Variants in CBFA2T2 observed in about 807,000 individuals in gnomAD.
CBFA2T2 encodes CBFA2/RUNX1 partner transcriptional co-repressor 2.
CBFA2T2 carries 11 observed loss-of-function variants against 62.2 expected under a neutral mutation model. The ratio of observed to expected loss-of-function variants is 0.18; its 90% CI spans 0.11 to 0.29. The LOEUF is 0.29. CBFA2T2 is among the 10% of genes least tolerant of loss of function. The probability of loss-of-function intolerance (pLI) is 1.00; values close to 1 mark genes in which losing one functional copy is unlikely to be tolerated. For synonymous variants in CBFA2T2, 295 were observed against 287.5 expected (o/e 1.03, Z -0.27); for missense variants, 592 against 774.1 (o/e 0.76, Z 2.79).
chr20:33,490,350 GC>G, intron 1 of CBFA2T2, 49 bp downstream of exon 1: 1 of 1,261,860 alleles, frequency 7.9e-7, no homozygotes, highest in Non-Finnish European at 1.0e-6. Context: ...GTGAGGGCCT[GC>G]GGCTCCGCAG....
intron 7 of CBFA2T2, among the ~76,000 whole-genome samples, chr20:33,628,685 T>G (rs1473525014): frequency 6.6e-6 from 1 of 152,156 alleles, no homozygotes; most frequent in Non-Finnish European, 1.5e-5. Context: ...GCCAGGCTGG[T>G]CTCAAACCCC....
chr20:33,579,100 TG>T (rs1568830349), intron 1 of CBFA2T2, among the ~76,000 whole-genome samples: 8 of 149,340 alleles, frequency 5.4e-5, no homozygotes, highest in Admixed American at 4.2e-4. Flanking sequence ...TTGGTTTTTT[TG>T]GGGGTTTTTT....
At chr20:33,599,548 A>G (rs2015032640) in intron 1 of CBFA2T2, among the ~76,000 whole-genome samples, 1 of 150,220 alleles carries the variant, frequency 6.7e-6, no homozygotes, top group Non-Finnish European at 1.5e-5. Context: ...TCCATCTTCT[A>G]TCTTCAAAGG....
chr20:33,575,870 C>T (rs557309808), intron 1 of CBFA2T2, among the ~76,000 whole-genome samples: 6 of 152,192 alleles, frequency 3.9e-5, no homozygotes, highest in South Asian at 4.2e-4. Flanking sequence ...CTCCACCTCC[C>T]GGGTTCACAC....
chr20:33,561,599 A>G (rs2013093601), intron 1 of CBFA2T2, among the ~76,000 whole-genome samples: 1 of 152,160 alleles, frequency 6.6e-6, no homozygotes, highest in Non-Finnish European at 1.5e-5. Context: ...TAAAGGATTA[A>G]ACTCTGACCT....
intron 1 of CBFA2T2, among the ~76,000 whole-genome samples, chr20:33,602,923 T>G (rs1266939391): frequency 6.6e-6 from 1 of 152,172 alleles, no homozygotes; most frequent in Non-Finnish European, 1.5e-5. Flanking sequence ...CATCTGATGG[T>G]AACCGAGATG....
chr20:33,637,992 T>TG (rs1400754531), intron 9 of CBFA2T2, among the ~76,000 whole-genome samples: 23 of 120,204 alleles, frequency 1.9e-4, no homozygotes, highest in African/African-American at 7.2e-4. Context: ...TTTTTTTTTT[T>TG]GAGATGGATT....
rs2012106373 is a variant in CBFA2T2, at chr20:33,533,134, TTTAA to T, written c.34+42836_34+42839del. 2.0e-5 allele frequency among the ~76,000 whole-genome samples: 3 copies of T among 152,108 alleles called. No homozygotes were observed. The South Asian group carries it at 6.2e-4, about 32-fold the overall frequency. ...TTCTTTCACTAAAAAAAAAATGAGG[TTTAA>T]TTGACTTACAATAAACTACACATAT... On this transcript the variant is annotated intron_variant, in intron 1 of 10. Transcript: ENST00000342704.
chr20:33,623,947 A>C, intron 5 of CBFA2T2: 1 of 571,792 alleles, frequency 1.7e-6, no homozygotes, highest in Non-Finnish European at 3.2e-6. Context: ...GTTTGTAGAA[A>C]GAATTGGAAA....
At chr20:33,592,440 A>G (rs965269106) in intron 1 of CBFA2T2, among the ~76,000 whole-genome samples, 3 of 147,886 alleles carry the variant, frequency 2.0e-5, no homozygotes, top group African/African-American at 7.4e-5. Context: ...ATATATAATT[A>G]TGTAAATATA....
rs181290456 is a variant in CBFA2T2, at chr20:33,582,716, C to T, written c.35-24240C>T. Among the ~76,000 whole-genome samples, 295 of 151,730 alleles carry T rather than the reference C, an allele frequency of 1.9e-3. 1 individual carries two copies. The highest frequency in any genetic ancestry group is 6.4e-3 in the African/African-American group (264 of 41,372). ...CAGCATTTTGGGAAGCCAAGGCAGGCGGATCACTTGAGGTCAGGAATTCGA... is the reference window on the plus strand; with the variant it reads ...CAGCATTTTGGGAAGCCAAGGCAGGTGGATCACTTGAGGTCAGGAATTCGA... On this transcript the variant is annotated intron_variant, in intron 1 of 10. Coordinates refer to ENST00000342704, the MANE Select transcript of CBFA2T2 (RefSeq NM_001032999.3).
intron 1 of CBFA2T2, among the ~76,000 whole-genome samples, chr20:33,587,106 G>A (rs1183794214): frequency 2.7e-5 from 4 of 149,972 alleles, no homozygotes; most frequent in Non-Finnish European, 3.0e-5. Context: ...CATGCCTGGC[G>A]AATTCGATGG....
At chr20:33,499,042 T>C (rs1365315033) in intron 1 of CBFA2T2, among the ~76,000 whole-genome samples, 1 of 117,964 alleles carries the variant, frequency 8.5e-6, no homozygotes, top group Non-Finnish European at 1.8e-5. Context: ...AAACTCCGTC[T>C]AAAAAGAAAA....
chr20:33,547,796 C>T (rs773914632), intron 1 of CBFA2T2, among the ~76,000 whole-genome samples: 46 of 151,916 alleles, frequency 3.0e-4, no homozygotes, highest in Non-Finnish European at 5.7e-4. Context: ...TATAGGCACT[C>T]CCAGTATTTT....
At chr20:33,531,518 A>G (rs1451255721) in intron 1 of CBFA2T2, among the ~76,000 whole-genome samples, 1 of 152,206 alleles carries the variant, frequency 6.6e-6, no homozygotes, top group Non-Finnish European at 1.5e-5. Context: ...AACTACTTTC[A>G]TTCTGGAATC....
intron 1 of CBFA2T2, among the ~76,000 whole-genome samples, chr20:33,501,759 C>T (rs954762455): frequency 6.8e-6 from 1 of 146,580 alleles, no homozygotes; most frequent in South Asian, 2.2e-4. Context: ...CCTGCTGCAG[C>T]CTCCTGAGTA....
intron 1 of CBFA2T2, among the ~76,000 whole-genome samples, chr20:33,564,756 T>C (rs918861071): frequency 6.6e-6 from 1 of 151,654 alleles, no homozygotes; most frequent in Non-Finnish European, 1.5e-5. Context: ...ATTTTGGTAG[T>C]TTTTATACAG....
intron 1 of CBFA2T2, among the ~76,000 whole-genome samples, chr20:33,589,861 A>T (rs1333492120): frequency 6.6e-6 from 1 of 152,222 alleles, no homozygotes; most frequent in Non-Finnish European, 1.5e-5. Flanking sequence ...AACAGGTGAC[A>T]TTCCTTTTGA....
chr20:33,526,845 C>T (rs1205287810), intron 1 of CBFA2T2, among the ~76,000 whole-genome samples: 1 of 152,148 alleles, frequency 6.6e-6, no homozygotes, highest in Non-Finnish European at 1.5e-5. Flanking sequence ...TGGTTGGAAG[C>T]CTCAGAAAGT....
Sources: allele counts gnomAD v4.1 joint callset (sites outside exome capture counted in the v4.1 genomes callset), GRCh38; gene constraint gnomAD v4.1.1; transcripts MANE v1.5; gene names NCBI Gene and HGNC (gene_info 2026-07-23, HGNC 2026-07-21).